The following SNX9 variants were observed in gnomAD, a reference collection of about 807,000 sequenced individuals.
The protein encoded by SNX9 is sorting nexin 9, also known as sorting nexin-9.
Under a neutral mutation model 89.4 loss-of-function variants are expected in SNX9, and 44 were observed. That is an observed-to-expected ratio of 0.49 (90% CI 0.39 to 0.63). The LOEUF (loss-of-function observed/expected upper bound fraction) is 0.63, where lower values mean the gene tolerates loss of function less well. Among genes scored for constraint, SNX9 ranks in the 30% least tolerant of loss-of-function variants. SNX9 has a pLI of 0.00. For synonymous variants in SNX9, 236 were observed against 247.8 expected, an observed-to-expected ratio of 0.95 and a Z score of 0.45; for missense variants, 578 against 736.1, an observed-to-expected ratio of 0.79 and a Z score of 2.49.
chr6:157,824,908 A>G (rs1228653475), intron 1 of SNX9, among the ~76,000 whole-genome samples: 1 of 152,196 alleles, frequency 6.6e-6, no homozygotes, highest in Non-Finnish European at 1.5e-5. Flanking sequence ...TCCAGAAATT[A>G]CCAGTTACAC....
chr6:157,924,212 T>C (rs1043236250), intron 10 of SNX9, among the ~76,000 whole-genome samples: 6 of 151,538 alleles, frequency 4.0e-5, no homozygotes, highest in Non-Finnish European at 8.8e-5. Flanking sequence ...TATATAAATA[T>C]ATATATGTAT....
intron 4 of SNX9, among the ~76,000 whole-genome samples, chr6:157,891,520 G>T (rs1430406260): frequency 6.6e-6 from 1 of 152,116 alleles, no homozygotes; most frequent in Admixed American, 6.5e-5. Context: ...AAGGTTAGAG[G>T]TCTGACAAAG....
intron 6 of SNX9, among the ~76,000 whole-genome samples, chr6:157,905,577 T>G (rs1783193995): frequency 1.3e-5 from 2 of 150,926 alleles, no homozygotes. Flanking sequence ...GATTACACTT[T>G]GGGTCTCTAC....
At chr6:157,904,698 G>C (rs976126967) in intron 6 of SNX9, among the ~76,000 whole-genome samples, 2 of 152,118 alleles carry the variant, frequency 1.3e-5, no homozygotes, top group African/African-American at 4.8e-5. Flanking sequence ...GACAGAGTGA[G>C]ACTCTGTCTC....
intron 10 of SNX9, among the ~76,000 whole-genome samples, chr6:157,922,857 C>T (rs566438253): frequency 6.6e-6 from 1 of 152,296 alleles, no homozygotes; most frequent in South Asian, 2.1e-4. Context: ...AGTAGTGAAA[C>T]TAAGTTCTTT....
At chr6:157,870,306 G>A (rs1244817472) in intron 2 of SNX9, among the ~76,000 whole-genome samples, 2 of 146,426 alleles carry the variant, frequency 1.4e-5, no homozygotes, top group African/African-American at 5.1e-5. Flanking sequence ...GTGTGAGCAC[G>A]CACACACACC....
At chr6:157,912,278 A>G (rs1783364282) in intron 9 of SNX9, among the ~76,000 whole-genome samples, 1 of 152,196 alleles carries the variant, frequency 6.6e-6, no homozygotes, top group South Asian at 2.1e-4. Context: ...GTTTAAATCC[A>G]TGGCTTAATG....
At chr6:157,826,938 A>ATATAAACTATATTATAGTTTATATAATG (rs1389779947) in intron 1 of SNX9, among the ~76,000 whole-genome samples, 137 of 89,110 alleles carry the variant, frequency 1.5e-3, no homozygotes, top group Non-Finnish European at 2.1e-3. Context: ...TTTATATAAT[A>ATATAAACTATATTATAGTTTATATAATG]TATAAAATAT....
At chr6:157,866,496 C>T (rs979364622) in intron 1 of SNX9, among the ~76,000 whole-genome samples, 3 of 152,134 alleles carry the variant, frequency 2.0e-5, no homozygotes, top group Admixed American at 6.5e-5. Context: ...ATTGCTTGAG[C>T]CTGGTAGGTC....
intron 7 of SNX9, among the ~76,000 whole-genome samples, chr6:157,909,143 C>T (rs935341866): frequency 6.6e-6 from 1 of 152,192 alleles, no homozygotes; most frequent in African/African-American, 2.4e-5. Flanking sequence ...CAATGCTACT[C>T]AAAGTATGGT....
intron 15 of SNX9, 51 bp downstream of exon 15, chr6:157,937,574 G>A (rs1390145652): frequency 1.7e-6 from 2 of 1,185,604 alleles, no homozygotes; most frequent in Non-Finnish European, 2.5e-6. Flanking sequence ...GAAGGAGGCA[G>A]ATGTGCGCAG....
rs1056311708 is a variant in SNX9 at position 157,865,899 on chromosome 6, A to G, written c.13-1648A>G. On this transcript the variant is annotated intron_variant, in intron 1 of 17. Transcript: ENST00000392185. ...AATATTGTTAAATTAGTGCACTTGC[A>G]TTAGCCCTGTTAGACTAGCCCTGTC... Among the ~76,000 whole-genome samples the G allele has an allele frequency of 2.0e-5, 3 of 151,700 alleles. No individual in the cohort carries two copies. In the South Asian group the frequency reaches 6.2e-4, roughly 31 times the overall value.
chr6:157,859,174 T>C (rs2115127816), intron 1 of SNX9, among the ~76,000 whole-genome samples: 1 of 152,364 alleles, frequency 6.6e-6, no homozygotes, highest in African/African-American at 2.4e-5. Context: ...CAGTTAAAAT[T>C]AAATGATATG....
At chr6:157,852,429 C>T (rs1406770278) in intron 1 of SNX9, among the ~76,000 whole-genome samples, 1 of 152,140 alleles carries the variant, frequency 6.6e-6, no homozygotes, top group Non-Finnish European at 1.5e-5. Flanking sequence ...CTCCCTCCCT[C>T]CCTTCCTCCT....
intron 1 of SNX9, among the ~76,000 whole-genome samples, chr6:157,824,917 A>G (rs1283768330): frequency 6.6e-6 from 1 of 152,186 alleles, no homozygotes; most frequent in African/African-American, 2.4e-5. Context: ...TACCAGTTAC[A>G]CATCCTAGTA....
At chr6:157,916,933 G>T (rs555276920) in intron 9 of SNX9, among the ~76,000 whole-genome samples, 3 of 152,144 alleles carry the variant, frequency 2.0e-5, no homozygotes, top group Non-Finnish European at 2.9e-5. Flanking sequence ...GATGAGTTTG[G>T]AACTATTCCC....
chr6:157,924,395 A>T (rs1783646658), intron 10 of SNX9: 4 of 152,184 alleles, frequency 2.6e-5, no homozygotes. Context: ...GTGGAGTCAC[A>T]GCAGACAGGC....
At chr6:157,934,158 A>G (rs1311180136) in intron 13 of SNX9, 1 of 152,258 alleles carries the variant, frequency 6.6e-6, no homozygotes, top group Admixed American at 6.5e-5. Flanking sequence ...TATAGTAAAA[A>G]TAACTTCCAG....
At chr6:157,932,315 T>C in intron 13 of SNX9, 43 bp downstream of exon 13, 2 of 1,552,412 alleles carry the variant, frequency 1.3e-6, no homozygotes, top group African/African-American at 1.4e-5. Flanking sequence ...TAGAGCCTTA[T>C]GTAGACCTGT....
Sources: gnomAD v4.1 joint callset for allele counts (sites outside exome capture counted in the v4.1 genomes callset) on GRCh38, gnomAD v4.1.1 for gene constraint, MANE v1.5 for transcripts, NCBI Gene and HGNC (gene_info 2026-07-23, HGNC 2026-07-21) for gene names.